FXR1: variants seen among roughly 807,000 people sequenced by gnomAD.
FXR1 encodes the protein RNA-binding protein FXR1.
Under a neutral mutation model 84.0 loss-of-function variants are expected in FXR1, and 15 were observed. The ratio of observed to expected loss-of-function variants is 0.18; its 90% CI spans 0.12 to 0.27. The LOEUF (loss-of-function observed/expected upper bound fraction) is 0.27. Among genes scored for constraint, FXR1 ranks in the 10% least tolerant of loss-of-function variants. The pLI, the probability that FXR1 is intolerant of heterozygous loss-of-function variation, is 1.00. For synonymous variants in FXR1, 245 were observed against 250.7 expected (o/e 0.98, Z 0.21); for missense variants, 480 against 774.4 (o/e 0.62, Z 4.51).
At chr3:180,926,217 T>G (rs1719158311) in intron 1 of FXR1, among the ~76,000 whole-genome samples, 1 of 151,986 alleles carries the variant, frequency 6.6e-6, no homozygotes, top group South Asian at 2.1e-4. Context: ...AGAAGAGAAT[T>G]AAAAAGAAAA....
chr3:180,926,478 G>GTA (rs34325096), intron 1 of FXR1, among the ~76,000 whole-genome samples: 5,813 of 75,216 alleles, frequency 0.077, 175 homozygotes, highest in East Asian at 0.16. Context: ...GGATTGTACT[G>GTA]TATATATATA....
intron 10 of FXR1, 100 bp from the exon 11 acceptor site, chr3:180,961,368 G>T (rs7428473): frequency 1.4e-4 from 17 of 119,404 alleles, no homozygotes; most frequent in African/African-American, 2.2e-4. Flanking sequence ...AAAAAAAAAA[G>T]GTGTGTGTGT....
At chr3:180,913,136 G>C (rs1262022437) in intron 1 of FXR1, among the ~76,000 whole-genome samples, 1 of 152,008 alleles carries the variant, frequency 6.6e-6, no homozygotes, top group Admixed American at 6.6e-5. Flanking sequence ...CCCGCCCCTC[G>C]AACTGGGCCG....
At chr3:180,944,274 C>T (rs1464022388) in intron 3 of FXR1, among the ~76,000 whole-genome samples, 1 of 151,702 alleles carries the variant, frequency 6.6e-6, no homozygotes, top group African/African-American at 2.4e-5. Flanking sequence ...GATCGTTTAC[C>T]AAATAATTTT....
In FXR1 at chr3:180,941,309, CA is replaced by C. The variant is rs552060120; in HGVS notation, c.198+6079del. Among the ~76,000 whole-genome samples the C allele has an allele frequency of 2.6e-4, 39 of 151,922 alleles. No individual in the cohort carries two copies. In the South Asian group the frequency reaches 3.5e-3, roughly 14 times the overall value. On this transcript the variant is annotated intron_variant, in intron 3 of 16. Transcript: ENST00000357559. ...CGGGCTCAAGGGATCTTCCCTGTCTCAGCTTCTTGAGTAGCTGGGATCATAG... is the reference window on the plus strand; with the variant it reads ...CGGGCTCAAGGGATCTTCCCTGTCTCGCTTCTTGAGTAGCTGGGATCATAG...
chr3:180,971,094 C>T (rs771868108), intron 15 of FXR1: 1 of 1,252,560 alleles, frequency 8.0e-7, no homozygotes, highest in South Asian at 1.3e-5. Context: ...AAAAAAAACC[C>T]CAGCGACGCA....
chr3:180,934,931 C>T (rs1404087227), intron 2 of FXR1, among the ~76,000 whole-genome samples: 2 of 152,090 alleles, frequency 1.3e-5, no homozygotes, highest in Non-Finnish European at 2.9e-5. Context: ...CAATTGTTAA[C>T]AATTATGTTA....
At chr3:180,947,742 C>G (rs1042958882) in intron 3 of FXR1, 123 bp from the exon 4 acceptor site, 3 of 474,738 alleles carry the variant, frequency 6.3e-6, no homozygotes, top group Non-Finnish European at 1.1e-5. Context: ...TTTAATATGC[C>G]AATTTAAATA....
chr3:180,954,056 G>C (rs891075784), intron 9 of FXR1: 1 of 426,100 alleles, frequency 2.3e-6, no homozygotes, highest in Non-Finnish European at 4.1e-6. Context: ...TTCTGTACAG[G>C]ATGACTCACT....
At chr3:180,948,022 A>T in intron 4 of FXR1, 86 bp downstream of exon 4, 1 of 758,008 alleles carries the variant, frequency 1.3e-6, no homozygotes, top group East Asian at 2.5e-5. Context: ...TTCAACTGTT[A>T]GTTTTATTTC....
rs56345724 is a variant in FXR1, at chr3:180,970,383, AATATATATATATATATATATATATAT to A, written c.1603+39_1603+64del. The A allele has an allele frequency of 2.5e-4, 91 of 368,190 alleles. 7 individuals carry two copies. In the Middle Eastern group the frequency reaches 2.9e-3, roughly 12 times the overall value. The allele number at this position is 368,190 out of a possible 1,614,324, so 22.8% of individuals were successfully genotyped here. A position where few individuals can be genotyped will look rare whatever the true frequency, so the allele number is the denominator to read the frequency against. On this transcript the variant is annotated intron_variant, in intron 15 of 16. Transcript: ENST00000357559. Reference sequence around the variant, plus strand: ...GGTATGTAAGCACTTAGGGAAGAGAAATATATATATATATATATATATATATATATATATATATAATTGTAAACTAT... The same window carrying A: ...GGTATGTAAGCACTTAGGGAAGAGAAATATATATATATAATTGTAAACTAT...
At chr3:180,930,900 G>T (rs919882554) in intron 1 of FXR1, among the ~76,000 whole-genome samples, 2 of 151,744 alleles carry the variant, frequency 1.3e-5, no homozygotes, top group East Asian at 3.9e-4. Context: ...AGCTGGGTGT[G>T]GTGGTGTAGT....
chr3:180,961,401 T>C, intron 10 of FXR1, 67 bp from the exon 11 acceptor site: 1 of 634,548 alleles, frequency 1.6e-6, no homozygotes. Context: ...GTCAGTTTCA[T>C]GTCACTTTTA....
At chr3:180,918,915 C>T (rs1423505818) in intron 1 of FXR1, among the ~76,000 whole-genome samples, 1 of 152,162 alleles carries the variant, frequency 6.6e-6, no homozygotes, top group Non-Finnish European at 1.5e-5. Flanking sequence ...TAAGTGAATC[C>T]AGGTCTGTAA....
intron 3 of FXR1, among the ~76,000 whole-genome samples, chr3:180,938,215 C>T (rs1431090277): frequency 1.3e-5 from 2 of 152,114 alleles, no homozygotes; most frequent in African/African-American, 4.8e-5. Flanking sequence ...TAGTATAATT[C>T]CTAAGAGGTT....
At chr3:180,934,123 C>G (rs184138823) in intron 2 of FXR1, among the ~76,000 whole-genome samples, 1 of 152,038 alleles carries the variant, frequency 6.6e-6, no homozygotes, top group East Asian at 1.9e-4. Flanking sequence ...TCCAAGAGCA[C>G]TGTTTAATTG....
chr3:180,942,505 A>G (rs2108456689), intron 3 of FXR1, among the ~76,000 whole-genome samples: 2 of 148,870 alleles, frequency 1.3e-5, no homozygotes, highest in Middle Eastern at 6.9e-3. Context: ...GCTTGAGTTT[A>G]GAGATTTTTT....
At chr3:180,942,657 CTCA>C (rs796762326) in intron 3 of FXR1, among the ~76,000 whole-genome samples, 22 of 152,216 alleles carry the variant, frequency 1.4e-4, no homozygotes, top group African/African-American at 4.6e-4. Context: ...TTTTAGGCTT[CTCA>C]TCATGGTCAC....
At chr3:180,974,547 G>C (rs1278930435) in intron 15 of FXR1, among the ~76,000 whole-genome samples, 2 of 152,120 alleles carry the variant, frequency 1.3e-5, no homozygotes, top group East Asian at 3.9e-4. Flanking sequence ...GTGACAGTAG[G>C]GTGTTAGGTT....
Sources: allele counts gnomAD v4.1 joint callset (sites outside exome capture counted in the v4.1 genomes callset), GRCh38; gene constraint gnomAD v4.1.1; transcripts MANE v1.5; gene names NCBI Gene and HGNC (gene_info 2026-07-23, HGNC 2026-07-21).